Variants in ANO7 observed in about 807,000 individuals in gnomAD.
ANO7 encodes anoctamin-7.
A neutral mutation model predicts 115.8 loss-of-function variants in ANO7; 114 were observed. The observed-to-expected ratio is 0.98, with a 90% CI of 0.85 to 1.15. The LOEUF (loss-of-function observed/expected upper bound fraction) is 1.15, where lower values mean the gene tolerates loss of function less well. Among genes scored for constraint, ANO7 ranks in the 50% most tolerant of loss-of-function variants. The pLI is 0.00. For synonymous variants in ANO7, 550 were observed against 498.2 expected (o/e 1.10, Z -1.38); for missense variants, 1,302 against 1,201.2 (o/e 1.08, Z -1.24).
At chr2:241,239,415 C>G in the ANO7 span, among the ~76,000 whole-genome samples, 1 of 151,944 alleles carries the variant, frequency 6.6e-6, no homozygotes, top group Non-Finnish European at 1.5e-5. The surrounding 1 kb of genome is among the most constrained non-coding windows in gnomAD (Gnocchi z 4.6). Flanking sequence ...AGAATTCTCA[C>G]CAACTATCAG....
rs144282712 is a variant in ANO7, at chr2:241,202,226, C to G, written c.645C>G (p.Gly215=). 658 of 1,613,818 alleles carry G rather than the reference C, an allele frequency of 4.1e-4. 3 individuals carry two copies. In the African/African-American group the frequency reaches 8.1e-3, roughly 20 times the overall value. The change falls in exon 8 of 25, where the codon GGC becomes GGG. Residue 215 remains glycine, a synonymous_variant. Coordinates refer to ENST00000674324, the MANE Select transcript of ANO7 (RefSeq NM_001370694.2). ...LFEILAKTPY[G]HEKKNLLGIH... Reference sequence around the variant, plus strand: ...AGATCCTGGCCAAGACCCCGTATGGCCACGAGAAGAAAAACCTGCTTGGGA... The same window carrying G: ...AGATCCTGGCCAAGACCCCGTATGGGCACGAGAAGAAAAACCTGCTTGGGA...
At chr2:241,236,423 AG>A in the ANO7 span, 2 of 614,568 alleles carry the variant, frequency 3.3e-6, no homozygotes, top group Non-Finnish European at 5.7e-6. Flanking sequence ...GCCTTGGTGA[AG>A]GGAAGTGGCC....
At chr2:241,216,821 AGTTTGTTT>A (rs111551638) in intron 19 of ANO7, among the ~76,000 whole-genome samples, 3 of 151,374 alleles carry the variant, frequency 2.0e-5, no homozygotes, top group Non-Finnish European at 4.4e-5. Context: ...ATCATCAGGC[AGTTTGTTT>A]GTTTGTTTTT....
the ANO7 span, chr2:241,235,483 G>A: frequency 3.7e-6 from 6 of 1,607,000 alleles, no homozygotes; most frequent in South Asian, 1.1e-5. Context: ...CCGGGAAAGG[G>A]GTCTACCTCA....
intron 22 of ANO7, 147 bp from the exon 23 acceptor site, chr2:241,223,515 C>T (rs2069077189): frequency 1.5e-6 from 2 of 1,322,086 alleles, no homozygotes; most frequent in East Asian, 2.5e-5. Context: ...GGGGTGGCCT[C>T]TGCCCCTTCT....
chr2:241,200,131 G>T lies in ANO7; in HGVS notation c.460G>T (p.Ala154Ser), dbSNP rs146489756. 3.2e-5 allele frequency: 52 copies of T among 1,613,078 alleles called. No homozygotes were observed. The highest frequency in any genetic ancestry group is 3.8e-5 in the Non-Finnish European group (45 of 1,180,000). Residue 154 changes from alanine to serine, a missense_variant, in exon 6 of 25, where the codon GCA (alanine) becomes TCA (serine). Coordinates refer to ENST00000674324, the MANE Select transcript of ANO7 (RefSeq NM_001370694.2). ...QASNWSAGLL[A>S]WLGIPNVLLE... is the part of the protein sequence containing the mutation. ...CTCCAACTGGTCGGCCGGCCTGCTG[G>T]CATGGCTGGGCATCCCCAACGTCCT...
chr2:241,232,063 T>C, the ANO7 span, among the ~76,000 whole-genome samples: 1 of 152,054 alleles, frequency 6.6e-6, no homozygotes, highest in Non-Finnish European at 1.5e-5. Flanking sequence ...TCTGTCCAGA[T>C]TGAAGCAAAA....
chr2:241,198,934 C>A (rs752959902), intron 4 of ANO7, among the ~76,000 whole-genome samples: 1 of 152,316 alleles, frequency 6.6e-6, no homozygotes. Flanking sequence ...AAAGGTGAGG[C>A]GACGTTCGAT....
At position 241,218,311 on chromosome 2, in the gene ANO7, C is replaced by G; in HGVS notation, c.2251C>G (p.Arg751Gly). The change falls in exon 21 of 25, where the codon CGC becomes GGC. Residue 751 changes from arginine to glycine, a missense_variant. Arg to Gly is a moderately radical substitution (Grantham distance 125). Transcript: ENST00000674324. ...YYRWTRAHDL[R>G]GFLNFTLARA... ...CCGGTGGACCCGCGCCCACGACCTG[C>G]GCGGCTTCCTCAACTTCACGCTGGC... is the stretch of plus-strand genomic sequence containing the variant. 6.5e-7 allele frequency: 1 copy of G among 1,531,802 alleles called. No individual in the cohort carries two copies. 94.9% of individuals were successfully genotyped at this position (1,531,802 alleles called of 1,614,324 possible).
chr2:241,211,521 A>G (rs1308888948), intron 15 of ANO7, among the ~76,000 whole-genome samples: 1 of 152,196 alleles, frequency 6.6e-6, no homozygotes, highest in African/African-American at 2.4e-5. Context: ...GCTACAGAGA[A>G]TGGGAGAGGG....
rs764854526 is a variant in ANO7, at chr2:241,188,695, C to T, written c.-79C>T. ...GTCCCGCAGTGAGGACGGGACTCTA[C>T]TGCCGAGACCAGGCTCACGCTGAGA... On this transcript the variant is annotated 5_prime_UTR_variant, in exon 1 of 25. Coordinates refer to ENST00000674324, the MANE Select transcript of ANO7 (RefSeq NM_001370694.2). The surrounding 1 kb of genome is among the most constrained non-coding windows in gnomAD (Gnocchi z 4.3). 2 of 1,613,608 alleles carry T rather than the reference C, an allele frequency of 1.2e-6. No homozygotes were observed. The highest frequency in any genetic ancestry group is 1.7e-6 in the Non-Finnish European group (2 of 1,179,938).
Position 241,203,348 on chromosome 2 carries a change from C to A in ANO7, c.739C>A (p.Pro247Thr), listed in dbSNP as rs755290927. 2.6e-6 allele frequency: 4 copies of A among 1,562,916 alleles called. No individual in the cohort carries two copies. The East Asian group carries it at 9.4e-5, about 37-fold the overall frequency. ...FPLHDGPFKT[P>T]PEGPQAPRLN... ...TCGCCCCCAGGGCCCCTTCAAGACG[C>A]CCCCAGAGGGCCCGCAGGCTCCACG... Residue 247 changes from proline (P) to threonine (T), a missense_variant, in exon 9 of 25, where the codon CCC becomes ACC. Transcript: ENST00000674324. The surrounding 1 kb of genome is among the most constrained non-coding windows in gnomAD (Gnocchi z 4.8).
chr2:241,226,822 G>GT (rs1268393555), downstream of ANO7, among the ~76,000 whole-genome samples: 3 of 152,100 alleles, frequency 2.0e-5, no homozygotes, highest in African/African-American at 7.2e-5. Flanking sequence ...GACTCTTCCC[G>GT]TTATCTCCTG....
chr2:241,215,182 A>C (rs1379104906), intron 18 of ANO7, among the ~76,000 whole-genome samples: 2 of 152,188 alleles, frequency 1.3e-5, no homozygotes, highest in African/African-American at 4.8e-5. Context: ...GGGCTCCTGG[A>C]CCCAAGGCTG....
Position 241,191,188 on chromosome 2 carries a change from T to A in ANO7, c.109-6T>A, listed in dbSNP as rs1245350668. On this transcript the variant is annotated splice_polypyrimidine_tract_variant and splice_region_variant and intron_variant, in intron 2 of 24. Transcript: ENST00000674324. ...GATATGCTTCTCCATCCTCCATGCC[T>A]TCCAGCCAGGTGGACAGCAAGCGGC... is the stretch of plus-strand genomic sequence containing the variant. 9 of 1,613,920 alleles carry A rather than the reference T, an allele frequency of 5.6e-6. No individual in the cohort carries two copies. The highest frequency in any genetic ancestry group is 7.6e-6 in the Non-Finnish European group (9 of 1,179,966).
At chr2:241,222,182 G>A (rs772331158) in intron 21 of ANO7, among the ~76,000 whole-genome samples, 5 of 151,674 alleles carry the variant, frequency 3.3e-5, no homozygotes, top group Non-Finnish European at 5.9e-5. Context: ...TGCAGTAAGC[G>A]AAGATCACGC....
At chr2:241,212,706 T>C (rs2068743412) in intron 17 of ANO7, 80 bp downstream of exon 17, 1 of 1,451,912 alleles carries the variant, frequency 6.9e-7, no homozygotes, top group African/African-American at 1.4e-5. Flanking sequence ...GAGCTTTGAT[T>C]TGCAGCAATT....
intron 21 of ANO7, among the ~76,000 whole-genome samples, chr2:241,221,088 T>C (rs1013279755): frequency 6.6e-6 from 1 of 152,026 alleles, no homozygotes; most frequent in African/African-American, 2.4e-5. Context: ...TATTATTTTT[T>C]TGAGACGGAG....
intron 3 of ANO7, among the ~76,000 whole-genome samples, chr2:241,191,962 C>T (rs373822291): frequency 6.6e-6 from 1 of 152,312 alleles, no homozygotes; most frequent in Non-Finnish European, 1.5e-5. Context: ...ATGGGGGCCC[C>T]GGGGAGATAT....
Sources: gnomAD v4.1 joint callset for allele counts (sites outside exome capture counted in the v4.1 genomes callset) on GRCh38, gnomAD v4.1.1 for gene constraint, Gnocchi (gnomAD v3.1) non-coding constraint, MANE v1.5 for transcripts, NCBI Gene and HGNC (gene_info 2026-07-23, HGNC 2026-07-21) for gene names.